Variants in GALC observed in about 807,000 individuals in gnomAD.
GALC encodes the protein galactosylceramidase, also known as galactocerebrosidase.
GALC carries 77 observed loss-of-function variants against 91.8 expected under a neutral mutation model. That is an observed-to-expected ratio of 0.84 (90% confidence interval 0.70 to 1.01). GALC has a LOEUF of 1.01. Among genes scored for constraint, GALC ranks in the 50% least tolerant of loss-of-function variants. The pLI, the probability that GALC is intolerant of heterozygous loss-of-function variation, is 0.00. For synonymous variants in GALC, 357 were observed against 306.7 expected (o/e 1.16, Z -1.71); for missense variants, 882 against 855.9 (o/e 1.03, Z -0.38).
chr14:87,991,481 C>T (rs1031704233), intron 1 of GALC, among the ~76,000 whole-genome samples: 2 of 152,228 alleles, frequency 1.3e-5, no homozygotes, highest in East Asian at 1.9e-4. Context: ...GGATTACAGG[C>T]GTGAGCCACC....
Position 87,945,817 on chromosome 14 carries a change from C to T in GALC, c.1490-84G>A, listed in dbSNP as rs189263541. The T allele has an allele frequency of 1.8e-4, 189 of 1,029,990 alleles. 3 individuals are homozygous for T. In the East Asian group the frequency reaches 4.5e-3, roughly 24 times the overall value. 63.8% of individuals were successfully genotyped at this position (1,029,990 alleles called of 1,614,324 possible). ...CTGATATTTTATAGTATGTCTGAAA[C>T]ACTTCTGAAAGCTTTTAAATAAATA... On this transcript the variant is annotated intron_variant, in intron 13 of 16. Coordinates refer to ENST00000261304, the MANE Select transcript of GALC (RefSeq NM_000153.4).
At chr14:87,974,857 G>T (rs969455443) in intron 7 of GALC, among the ~76,000 whole-genome samples, 17 of 150,932 alleles carry the variant, frequency 1.1e-4, no homozygotes, top group African/African-American at 4.1e-4. Flanking sequence ...AGTACTCAGA[G>T]GAAAATTCAT....
chr14:87,969,105 A>C (rs1013777831), intron 7 of GALC, among the ~76,000 whole-genome samples: 1 of 152,156 alleles, frequency 6.6e-6, no homozygotes, highest in Non-Finnish European at 1.5e-5. Flanking sequence ...GGGAAAACTA[A>C]ATTACTGTAT....
In GALC at chr14:87,978,097, G is replaced by A. The variant is rs759670570; in HGVS notation, c.622-1609C>T. Among the ~76,000 whole-genome samples the A allele has an allele frequency of 1.6e-4, 24 of 152,206 alleles. 1 individual carries two copies. Among genetic ancestry groups the A allele is most frequent in the African/African-American group, 3.6e-4 (15 of 41,460 alleles). On this transcript the variant is annotated intron_variant, in intron 6 of 16. Transcript: ENST00000261304. ...GACGGAGTTTCGCTCTTGTTGCCCAGGCTGGGGTGTAATGGCATGATATCG... is the reference window on the plus strand; with the variant it reads ...GACGGAGTTTCGCTCTTGTTGCCCAAGCTGGGGTGTAATGGCATGATATCG...
chr14:87,954,598 T>C (rs1043485161), intron 10 of GALC: 10 of 1,587,150 alleles, frequency 6.3e-6, no homozygotes, highest in Non-Finnish European at 8.6e-6. Flanking sequence ...TTCAAAAAAG[T>C]GCACCTTCCT....
At position 87,946,602 on chromosome 14, in the gene GALC, T is replaced by C. The variant is rs377738052; in HGVS notation, c.1490-869A>G. ...CCTCTTAGTCTTCAGGGTCACAAAA[T>C]ATTGGTCTTGGTGCTGGCAGTTCTT... On this transcript the variant is annotated intron_variant, in intron 13 of 16. Coordinates refer to ENST00000261304, the MANE Select transcript of GALC (RefSeq NM_000153.4). Among the ~76,000 whole-genome samples the C allele has an allele frequency of 5.8e-5, 3 of 51,440 alleles. No individual in the cohort carries two copies. In the South Asian group the frequency reaches 3.6e-3, roughly 62 times the overall value. 33.7% of individuals were successfully genotyped at this position (51,440 alleles called of 152,430 possible). A position where few individuals can be genotyped will look rare whatever the true frequency, so the allele number is the denominator to read the frequency against.
intron 10 of GALC, among the ~76,000 whole-genome samples, chr14:87,958,880 A>C (rs1885674394): frequency 6.6e-6 from 1 of 152,160 alleles, no homozygotes; most frequent in African/African-American, 2.4e-5. Context: ...AAAACCTGAA[A>C]CTATAAAACT....
chr14:87,974,102 CA>C (rs2140011906), intron 7 of GALC, among the ~76,000 whole-genome samples: 1 of 152,070 alleles, frequency 6.6e-6, no homozygotes, highest in East Asian at 1.9e-4. Flanking sequence ...ATAGAAAACA[CA>C]AACATCAGTT....
chr14:87,989,431 C>T (rs1363166008), intron 1 of GALC: 2 of 152,120 alleles, frequency 1.3e-5, no homozygotes, highest in Non-Finnish European at 2.9e-5. Flanking sequence ...AGGCAAACAC[C>T]CATGGAGCTG....
intron 8 of GALC, among the ~76,000 whole-genome samples, chr14:87,966,857 A>C (rs1418291930): frequency 1.3e-5 from 2 of 152,206 alleles, no homozygotes; most frequent in Non-Finnish European, 2.9e-5. Flanking sequence ...TATTAATTAA[A>C]ACAGAGACAA....
intron 10 of GALC, chr14:87,955,168 G>A: frequency 2.3e-6 from 3 of 1,308,956 alleles, no homozygotes; most frequent in Non-Finnish European, 2.2e-6. Context: ...TTTTTATCCT[G>A]ACACTGTAAA....
chr14:87,934,239 G>A lies in GALC; in HGVS notation c.*493C>T. On this transcript the variant is annotated 3_prime_UTR_variant, in exon 17 of 17. Transcript: ENST00000261304. ...ACTTTTTAGAGCATAAAGCATAACAGGTTGAAGTGGTTTTCAAAAAGCTAC... is the reference window on the plus strand; with the variant it reads ...ACTTTTTAGAGCATAAAGCATAACAAGTTGAAGTGGTTTTCAAAAAGCTAC... 1 of 1,354,096 alleles carries A rather than the reference G, an allele frequency of 7.4e-7. No homozygotes were observed. Among genetic ancestry groups the A allele is most frequent in the African/African-American group, 1.5e-5 (1 of 67,834 alleles). 83.9% of individuals were successfully genotyped at this position (1,354,096 alleles called of 1,614,324 possible). A position where few individuals can be genotyped will look rare whatever the true frequency, so the allele number is the denominator to read the frequency against.
At position 87,993,120 on chromosome 14, in the gene GALC, T is replaced by A; in HGVS notation, c.45A>T (p.Lys15Asn). The stretch of plus-strand genomic sequence containing the variant: ...CCGAACCCGCGGCCGCAGTCATAGC[T>A]TTCGCTCGGCGTTGCCAGGAAGCCG... ...LLSASWQRRAKAMTAAAGSAG... is the reference protein window; with the variant it reads ...LLSASWQRRANAMTAAAGSAG... Residue 15 changes from lysine to asparagine, a missense_variant, in exon 1 of 17, where the codon AAA becomes AAT. Physicochemically the swap from Lys to Asn is moderately conservative, Grantham distance 94 (BLOSUM62 0). Transcript: ENST00000261304. The A allele has an allele frequency of 6.3e-7, 1 of 1,588,650 alleles. No individual in the cohort carries two copies. The highest frequency in any genetic ancestry group is 8.6e-7 in the Non-Finnish European group (1 of 1,168,568).
Position 87,950,740 on chromosome 14 carries a change from T to C in GALC, c.1170A>G (p.Lys390=), listed in dbSNP as rs1885269944. Residue 390 remains lysine, a synonymous_variant, in exon 11 of 17, where the codon AAA becomes AAG. Transcript: ENST00000261304. The part of the protein sequence containing the change: ...LTIIIETMSH[K]HSKCIRPFLP... ...GAAATGGCCGTATGCACTTAGAATG[T>C]TTATGACTCTGAAAAAAAAAAATCA... The C allele has an allele frequency of 1.9e-5, 29 of 1,509,464 alleles. No individual in the cohort carries two copies. The highest frequency in any genetic ancestry group is 2.5e-5 in the Non-Finnish European group (28 of 1,130,326). 93.5% of individuals were successfully genotyped at this position (1,509,464 alleles called of 1,614,324 possible).
At chr14:87,956,604 A>ACCATATATATATACACACC (rs1885566384) in intron 10 of GALC, among the ~76,000 whole-genome samples, 1 of 143,824 alleles carries the variant, frequency 7.0e-6, no homozygotes, top group African/African-American at 2.8e-5. Flanking sequence ...ACACACACAC[A>ACCATATATATATACACACC]CACACACACA....
intron 8 of GALC, among the ~76,000 whole-genome samples, chr14:87,966,189 T>C (rs1886046386): frequency 6.6e-6 from 1 of 152,182 alleles, no homozygotes; most frequent in South Asian, 2.1e-4. Context: ...AAGGATTAAA[T>C]GTACTAATGC....
At chr14:87,950,527 G>T in intron 11 of GALC, 132 bp downstream of exon 11, 1 of 635,732 alleles carries the variant, frequency 1.6e-6, no homozygotes, top group Non-Finnish European at 2.8e-6. Flanking sequence ...GAAGACACCA[G>T]GGCCTCTGTC....
intron 10 of GALC, among the ~76,000 whole-genome samples, chr14:87,955,553 C>G (rs1414997891): frequency 7.1e-6 from 1 of 141,702 alleles, no homozygotes; most frequent in Non-Finnish European, 1.5e-5. Flanking sequence ...CCCTCAGAAA[C>G]TGCTGCAGTG....
intron 1 of GALC, among the ~76,000 whole-genome samples, chr14:87,989,221 G>A (rs1887096554): frequency 6.6e-6 from 1 of 152,184 alleles, no homozygotes; most frequent in African/African-American, 2.4e-5. Context: ...GCATGAAACA[G>A]TAGCCTCAGG....
Sources: allele counts gnomAD v4.1 joint callset (sites outside exome capture counted in the v4.1 genomes callset), GRCh38; gene constraint gnomAD v4.1.1; transcripts MANE v1.5; gene names NCBI Gene and HGNC (gene_info 2026-07-23, HGNC 2026-07-21).